The following PTPRM variants were observed in gnomAD, a reference collection of about 807,000 sequenced individuals.
PTPRM encodes receptor-type tyrosine-protein phosphatase mu.
In PTPRM, 47 loss-of-function variants were observed where a neutral mutation model predicts 186.7. That is an observed-to-expected ratio of 0.25 (90% confidence interval 0.20 to 0.32). PTPRM has a LOEUF of 0.32. PTPRM is among the 10% of genes least tolerant of loss of function. The pLI is 1.00. For missense variants in PTPRM, 1,494 were observed against 1,865.0 expected (o/e 0.80, Z 3.66); for synonymous variants, 668 against 674.9 (o/e 0.99, Z 0.16).
intron 1 of PTPRM, among the ~76,000 whole-genome samples, chr18:7,645,801 T>C (rs1203204385): frequency 9.2e-5 from 14 of 152,176 alleles, no homozygotes; most frequent in Non-Finnish European, 1.5e-4. Flanking sequence ...ACCCTGATAA[T>C]CTCCTCAGAG....
chr18:8,279,361 G>T (rs922603774), intron 19 of PTPRM, among the ~76,000 whole-genome samples: 1 of 152,188 alleles, frequency 6.6e-6, no homozygotes, highest in Non-Finnish European at 1.5e-5. Context: ...GGCCTTTTCC[G>T]ACCCTTAATT....
In PTPRM at chr18:7,568,322, G is replaced by A. The variant is rs546542184; in HGVS notation, c.73+431G>A. Among the ~76,000 whole-genome samples the A allele has an allele frequency of 1.3e-5, 2 of 151,960 alleles. No homozygotes were observed. Among genetic ancestry groups the A allele is most frequent in the African/African-American group, 4.8e-5 (2 of 41,536 alleles). On this transcript the variant is annotated intron_variant, in intron 1 of 32. Coordinates refer to ENST00000580170, the MANE Select transcript of PTPRM (RefSeq NM_001105244.2). The surrounding 1 kb of genome is among the most constrained non-coding windows in gnomAD (Gnocchi z 5.1). ...CCCGCCGACCCCGAGCAGCGGCCGGGCCCAGGCCGCTGGTGTTCGGCTGCG... is the reference window on the plus strand; with the variant it reads ...CCCGCCGACCCCGAGCAGCGGCCGGACCCAGGCCGCTGGTGTTCGGCTGCG...
intron 14 of PTPRM, among the ~76,000 whole-genome samples, chr18:8,172,455 T>A (rs1443665266): frequency 6.6e-6 from 1 of 152,020 alleles, no homozygotes; most frequent in Non-Finnish European, 1.5e-5. Context: ...TGTTCCTCAA[T>A]AGTCCAAGGA....
chr18:7,994,973 G>A (rs896249846), intron 7 of PTPRM, among the ~76,000 whole-genome samples: 1 of 151,856 alleles, frequency 6.6e-6, no homozygotes, highest in African/African-American at 2.4e-5. Flanking sequence ...AAATATCAGA[G>A]CAGAACTAAA....
chr18:7,686,467 T>G (rs916005013), intron 1 of PTPRM, among the ~76,000 whole-genome samples: 1 of 152,156 alleles, frequency 6.6e-6, no homozygotes, highest in African/African-American at 2.4e-5. Context: ...CCCAGTTAAG[T>G]TAGAATATTT....
intron 22 of PTPRM, among the ~76,000 whole-genome samples, chr18:8,328,738 C>T (rs1051409058): frequency 5.3e-5 from 8 of 152,218 alleles, no homozygotes; most frequent in African/African-American, 1.9e-4. Context: ...CAGACCCTGC[C>T]TGCATTTTAC....
chr18:7,810,109 C>G (rs8095831), intron 2 of PTPRM, among the ~76,000 whole-genome samples: 2,611 of 152,188 alleles, frequency 0.017, 79 homozygotes, highest in African/African-American at 0.058. Context: ...CAGAAATACC[C>G]AGCTTAGGGA....
chr18:7,576,111 C>T (rs1280146535), intron 1 of PTPRM, among the ~76,000 whole-genome samples: 4 of 152,130 alleles, frequency 2.6e-5, no homozygotes, highest in African/African-American at 7.2e-5. Context: ...AAGGTTTTAG[C>T]ATCTCCCTCT....
At chr18:8,386,062 T>C (rs2095770576) in intron 30 of PTPRM, among the ~76,000 whole-genome samples, 1 of 152,134 alleles carries the variant, frequency 6.6e-6, no homozygotes, top group South Asian at 2.1e-4. Flanking sequence ...TTGTCCAGGC[T>C]GCCCGTGTAA....
chr18:7,783,567 T>TTTTA (rs1320931860), intron 2 of PTPRM, among the ~76,000 whole-genome samples: 4 of 152,002 alleles, frequency 2.6e-5, no homozygotes, highest in African/African-American at 9.7e-5. Flanking sequence ...TTTATTATTA[T>TTTTA]TTTATTTATT....
At chr18:8,397,044 C>T (rs746918188) in intron 32 of PTPRM, among the ~76,000 whole-genome samples, 178 of 152,330 alleles carry the variant, frequency 1.2e-3, no homozygotes, top group Non-Finnish European at 1.6e-3. Flanking sequence ...GTGTCCTAAG[C>T]ACAGAATGTT....
At chr18:7,626,889 CA>C (rs1408499449) in intron 1 of PTPRM, among the ~76,000 whole-genome samples, 1 of 152,100 alleles carries the variant, frequency 6.6e-6, no homozygotes, top group Admixed American at 6.5e-5. Flanking sequence ...TTTGTAGACA[CA>C]AGGTCTCGCT....
At chr18:8,181,039 A>T (rs889718237) in intron 14 of PTPRM, among the ~76,000 whole-genome samples, 3 of 152,162 alleles carry the variant, frequency 2.0e-5, no homozygotes, top group African/African-American at 7.2e-5. Flanking sequence ...TGCTAAGTTC[A>T]GTTGCAGTTG....
At chr18:7,641,466 G>T (rs1195796503) in intron 1 of PTPRM, among the ~76,000 whole-genome samples, 1 of 152,106 alleles carries the variant, frequency 6.6e-6, no homozygotes, top group Non-Finnish European at 1.5e-5. Flanking sequence ...GAATGTTTAA[G>T]TTCTCTCACT....
intron 2 of PTPRM, among the ~76,000 whole-genome samples, chr18:7,781,893 G>C (rs80346262): frequency 2.6e-5 from 4 of 152,134 alleles, no homozygotes; most frequent in African/African-American, 7.2e-5. Context: ...ATCTCATTCA[G>C]TTGTCCACAC....
intron 2 of PTPRM, among the ~76,000 whole-genome samples, chr18:7,844,812 T>C (rs2046513281): frequency 6.6e-6 from 1 of 152,210 alleles, no homozygotes; most frequent in Admixed American, 6.5e-5. Context: ...AGTGTCTCTG[T>C]CCATTTTGGT....
At chr18:7,636,493 A>G (rs137875974) in intron 1 of PTPRM, among the ~76,000 whole-genome samples, 3 of 152,214 alleles carry the variant, frequency 2.0e-5, no homozygotes, top group African/African-American at 7.2e-5. Context: ...CATTCCCACA[A>G]TGATTCAAAA....
At chr18:8,195,803 G>A (rs73391930) in intron 14 of PTPRM, among the ~76,000 whole-genome samples, 6,471 of 152,146 alleles carry the variant, frequency 0.043, 455 homozygotes, top group African/African-American at 0.15. Flanking sequence ...CACTGTTCAG[G>A]TGATGGTTAC....
At chr18:7,658,984 T>A (rs2038917957) in intron 1 of PTPRM, among the ~76,000 whole-genome samples, 33 of 152,314 alleles carry the variant, frequency 2.2e-4, no homozygotes, top group Middle Eastern at 3.4e-3. Context: ...TGCATCTGCC[T>A]GAAGCTCTCC....
Sources: allele counts gnomAD v4.1 joint callset (sites outside exome capture counted in the v4.1 genomes callset), GRCh38; gene constraint gnomAD v4.1.1; non-coding constraint Gnocchi (gnomAD v3.1); transcripts MANE v1.5; gene names NCBI Gene and HGNC (gene_info 2026-07-23, HGNC 2026-07-21).